TRIM5: variants seen among roughly 807,000 people sequenced by gnomAD.
TRIM5 encodes tripartite motif-containing protein 5.
A neutral mutation model predicts 35.6 loss-of-function variants in TRIM5; 31 were observed. The observed-to-expected ratio is 0.87, with a 90% CI of 0.65 to 1.18. The LOEUF (loss-of-function observed/expected upper bound fraction) is 1.18. Ranked by LOEUF, TRIM5 falls within the 50% of genes most tolerant of loss-of-function variation. The pLI, the probability that TRIM5 is intolerant of heterozygous loss-of-function variation, is 0.00. For synonymous variants in TRIM5, 243 were observed against 215.6 expected (o/e 1.13, Z -1.11); for missense variants, 609 against 591.6 (o/e 1.03, Z -0.31).
At chr11:5,598,071 C>G in the TRIM5 span, among the ~76,000 whole-genome samples, 3 of 152,182 alleles carry the variant, frequency 2.0e-5, no homozygotes, top group Admixed American at 6.5e-5. Context: ...TGAATTTGGG[C>G]TCTTTCTTCT....
the TRIM5 span, chr11:5,604,868 G>T: frequency 2.1e-6 from 1 of 472,956 alleles, no homozygotes. Flanking sequence ...GCTAGGGGTC[G>T]CCCCAATTCA....
At chr11:5,596,899 T>G in the TRIM5 span, 4 of 1,614,098 alleles carry the variant, frequency 2.5e-6, no homozygotes, top group African/African-American at 1.3e-5. Context: ...ATTCCCCAGA[T>G]GTGCGGGTCA....
intron 1 of TRIM5, among the ~76,000 whole-genome samples, chr11:5,682,690 G>A (rs576290066): frequency 8.3e-4 from 126 of 152,024 alleles, no homozygotes; most frequent in Non-Finnish European, 1.3e-3. Flanking sequence ...CATATCACTA[G>A]AGTGTTAAGT....
rs781569943 is a variant in TRIM5 at position 5,674,126 on chromosome 11, T to C, written c.744+4078A>G. Among the ~76,000 whole-genome samples, 61 of 151,662 alleles carry C rather than the reference T, an allele frequency of 4.0e-4. No individual in the cohort carries two copies. The Middle Eastern group carries it at 0.017, about 42-fold the overall frequency. On this transcript the variant is annotated intron_variant, in intron 4 of 7. Transcript: ENST00000380034. ...ATAAAAGTTAACAAAATTGACCAAA[T>C]ATAACTAAAAGGACAAAAAAAGGGA...
the TRIM5 span, among the ~76,000 whole-genome samples, chr11:5,645,401 A>G: frequency 4.6e-5 from 7 of 151,690 alleles, no homozygotes; most frequent in Admixed American, 3.3e-4. Flanking sequence ...TCAAAAAAAA[A>G]AAAAAAAAAC....
the TRIM5 span, among the ~76,000 whole-genome samples, chr11:5,649,785 G>C: frequency 1.3e-5 from 2 of 152,130 alleles, no homozygotes; most frequent in Non-Finnish European, 2.9e-5. Flanking sequence ...TCCACCCCTT[G>C]ATTTATAGTC....
chr11:5,665,503 G>A (rs1050755757), intron 7 of TRIM5, 108 bp from the exon 8 acceptor site: 2 of 1,546,742 alleles, frequency 1.3e-6, no homozygotes, highest in African/African-American at 2.8e-5. Flanking sequence ...ACCTTGTTTA[G>A]AAGTTATAAG....
chr11:5,683,829 A>C (rs2152062), intron 1 of TRIM5, among the ~76,000 whole-genome samples: 1 of 152,352 alleles, frequency 6.6e-6, no homozygotes, highest in African/African-American at 2.4e-5. Flanking sequence ...GGGTGGGGCC[A>C]GATAAGAGAA....
chr11:5,608,060 T>C, the TRIM5 span, among the ~76,000 whole-genome samples: 3 of 152,228 alleles, frequency 2.0e-5, no homozygotes, highest in Non-Finnish European at 4.4e-5. Context: ...GACTTCATCA[T>C]CTGAGGTTCT....
chr11:5,681,083 G>C (rs899919637), intron 1 of TRIM5, among the ~76,000 whole-genome samples: 1 of 152,212 alleles, frequency 6.6e-6, no homozygotes, highest in Non-Finnish European at 1.5e-5. Context: ...GGAGCCTAAA[G>C]GTGTAGACAT....
the TRIM5 span, among the ~76,000 whole-genome samples, chr11:5,620,674 C>CA: frequency 6.6e-6 from 1 of 152,140 alleles, no homozygotes; most frequent in African/African-American, 2.4e-5. Flanking sequence ...TATGGGTGCA[C>CA]ATTATGCCTT....
the TRIM5 span, chr11:5,603,505 C>T: frequency 6.2e-7 from 1 of 1,614,080 alleles, no homozygotes; most frequent in Non-Finnish European, 8.5e-7. Flanking sequence ...CAGCTACCAG[C>T]CAGGGAACCT....
At chr11:5,597,480 T>C in the TRIM5 span, among the ~76,000 whole-genome samples, 1 of 152,244 alleles carries the variant, frequency 6.6e-6, no homozygotes, top group Non-Finnish European at 1.5e-5. Context: ...CAAATATTTA[T>C]TGAGTCCTGT....
At chr11:5,653,658 A>G in the TRIM5 span, among the ~76,000 whole-genome samples, 1 of 151,300 alleles carries the variant, frequency 6.6e-6, no homozygotes, top group Non-Finnish European at 1.5e-5. Context: ...TGCCCGACTA[A>G]TTTTTGTATT....
chr11:5,671,973 C>T (rs972087079), intron 4 of TRIM5, among the ~76,000 whole-genome samples: 1 of 151,946 alleles, frequency 6.6e-6, no homozygotes, highest in African/African-American at 2.4e-5. Context: ...ACTAAAGCAG[C>T]AAGAGAAAAA....
the TRIM5 span, among the ~76,000 whole-genome samples, chr11:5,607,203 C>CAA: frequency 2.2e-4 from 32 of 146,204 alleles, no homozygotes; most frequent in Admixed American, 6.8e-4. Flanking sequence ...GACTCCATCT[C>CAA]AAAAAAAAAA....
the TRIM5 span, among the ~76,000 whole-genome samples, chr11:5,654,751 C>T: frequency 6.6e-6 from 1 of 151,958 alleles, no homozygotes; most frequent in African/African-American, 2.4e-5. Context: ...GGTAAGTATC[C>T]AGATAAACTA....
the TRIM5 span, among the ~76,000 whole-genome samples, chr11:5,602,360 T>G: frequency 1.3e-5 from 2 of 151,954 alleles, no homozygotes; most frequent in East Asian, 1.9e-4. Flanking sequence ...GGAGAATGGC[T>G]TGAACCCAGG....
At chr11:5,621,154 C>A in the TRIM5 span, among the ~76,000 whole-genome samples, 2 of 152,168 alleles carry the variant, frequency 1.3e-5, no homozygotes, top group Admixed American at 6.5e-5. Flanking sequence ...CCCAGTCACC[C>A]CTTTATTGCA....
Sources: gnomAD v4.1 joint callset for allele counts (sites outside exome capture counted in the v4.1 genomes callset) on GRCh38, gnomAD v4.1.1 for gene constraint, MANE v1.5 for transcripts, NCBI Gene and HGNC (gene_info 2026-07-23, HGNC 2026-07-21) for gene names.